KCNAB1: variants seen among roughly 807,000 people sequenced by gnomAD.
The protein encoded by KCNAB1 is potassium voltage-gated channel subfamily A regulatory beta subunit 1.
KCNAB1 carries 35 observed loss-of-function variants against 64.6 expected under a neutral mutation model. The ratio of observed to expected loss-of-function variants is 0.54; its 90% CI spans 0.41 to 0.72. The LOEUF is 0.72. Among genes scored for constraint, KCNAB1 ranks in the 30% least tolerant of loss-of-function variants. The pLI, the probability that KCNAB1 is intolerant of heterozygous loss-of-function variation, is 0.00. For synonymous variants in KCNAB1, 177 were observed against 183.8 expected, an observed-to-expected ratio of 0.96 and a Z score of 0.30; for missense variants, 401 against 512.9, an observed-to-expected ratio of 0.78 and a Z score of 2.11.
chr3:156,138,262 G>A (rs1006862363), intron 1 of KCNAB1, among the ~76,000 whole-genome samples: 1 of 152,184 alleles, frequency 6.6e-6, no homozygotes, highest in African/African-American at 2.4e-5. Flanking sequence ...CACCTGCAGA[G>A]CACTAGTGAG....
intron 1 of KCNAB1, among the ~76,000 whole-genome samples, chr3:156,217,766 T>A (rs1715415817): frequency 6.6e-6 from 1 of 152,260 alleles, no homozygotes; most frequent in East Asian, 1.9e-4. Context: ...GGAAACAAGC[T>A]GGTCATAATG....
intron 1 of KCNAB1, among the ~76,000 whole-genome samples, chr3:156,169,256 T>G (rs1711804313): frequency 6.6e-6 from 1 of 152,204 alleles, no homozygotes; most frequent in Admixed American, 6.5e-5. Context: ...CTCAATATCT[T>G]TATCTACGGG....
chr3:156,375,121 C>T lies in KCNAB1; in HGVS notation c.276-46495C>T, dbSNP rs974599889. ...ATAACAATGCCTTGCATTAGACTGTCGTGATTTATAAAACAATTTCACATG... is the reference window on the plus strand; with the variant it reads ...ATAACAATGCCTTGCATTAGACTGTTGTGATTTATAAAACAATTTCACATG... On this transcript the variant is annotated intron_variant, in intron 1 of 13. Transcript: ENST00000490337. Among the ~76,000 whole-genome samples, 5 of 135,834 alleles carry T rather than the reference C, an allele frequency of 3.7e-5. 1 individual carries two copies. The highest frequency in any genetic ancestry group is 1.6e-4 in the African/African-American group (5 of 30,372). 89.1% of individuals were successfully genotyped at this position (135,834 alleles called of 152,430 possible).
Position 156,452,855 on chromosome 3 carries a change from G to A in KCNAB1, c.320-44G>A. The A allele has an allele frequency of 1.4e-6, 2 of 1,451,646 alleles. No homozygotes were observed. The highest frequency in any genetic ancestry group is 1.9e-6 in the Non-Finnish European group (2 of 1,043,994). The allele number at this position is 1,451,646 out of a possible 1,614,324, so 89.9% of individuals were successfully genotyped here. A position where few individuals can be genotyped will look rare whatever the true frequency, so the allele number is the denominator to read the frequency against. On this transcript the variant is annotated intron_variant, in intron 2 of 13. Coordinates refer to ENST00000490337, the MANE Select transcript of KCNAB1 (RefSeq NM_172160.3). The surrounding 1 kb of genome is among the most constrained non-coding windows in gnomAD (Gnocchi z 4.6). The stretch of plus-strand genomic sequence containing the variant: ...ATTTCCCTTATTACGCACAATATTA[G>A]AAAAATGATGATGAATAATATGCAA...
intron 2 of KCNAB1, among the ~76,000 whole-genome samples, chr3:156,430,455 A>G (rs1279972888): frequency 1.3e-5 from 2 of 152,222 alleles, no homozygotes; most frequent in Non-Finnish European, 2.9e-5. Context: ...ACCATTAGTA[A>G]TGGGGGACAA....
Position 156,240,064 on chromosome 3 carries a change from G to A in KCNAB1, c.275+119178G>A, listed in dbSNP as rs142891036. ...ACAACTTAAGTGACTAATGGAAGACGTATTTCATTGTCCAAAAATATTTCC... is the reference window on the plus strand; with the variant it reads ...ACAACTTAAGTGACTAATGGAAGACATATTTCATTGTCCAAAAATATTTCC... On this transcript the variant is annotated intron_variant, in intron 1 of 13. Transcript: ENST00000490337. Among the ~76,000 whole-genome samples the A allele has an allele frequency of 3.5e-3, 530 of 152,228 alleles. 2 individuals carry two copies. Among genetic ancestry groups the A allele is most frequent in the African/African-American group, 0.012 (504 of 41,528 alleles).
chr3:156,192,921 G>GT (rs909861246), intron 1 of KCNAB1, among the ~76,000 whole-genome samples: 2 of 151,822 alleles, frequency 1.3e-5, no homozygotes, highest in East Asian at 1.9e-4. Flanking sequence ...TTGAGTCTTG[G>GT]TTTTTTATCC....
chr3:156,369,611 C>G (rs911833498), intron 1 of KCNAB1, among the ~76,000 whole-genome samples: 5 of 152,168 alleles, frequency 3.3e-5, no homozygotes, highest in Admixed American at 1.3e-4. Context: ...TAGCCTATCT[C>G]CCTCACCAAA....
intron 2 of KCNAB1, among the ~76,000 whole-genome samples, chr3:156,442,762 T>A (rs1488060813): frequency 6.6e-6 from 1 of 152,164 alleles, no homozygotes; most frequent in African/African-American, 2.4e-5. Context: ...CAGCCTGCCC[T>A]AGGATCCCTT....
At chr3:156,241,613 G>C (rs1717167861) in intron 1 of KCNAB1, among the ~76,000 whole-genome samples, 1 of 152,158 alleles carries the variant, frequency 6.6e-6, no homozygotes, top group Non-Finnish European at 1.5e-5. Flanking sequence ...TGTCTCTTGG[G>C]TAATGCTGCT....
At chr3:156,164,600 A>G (rs1345052888) in intron 1 of KCNAB1, among the ~76,000 whole-genome samples, 1 of 152,184 alleles carries the variant, frequency 6.6e-6, no homozygotes, top group African/African-American at 2.4e-5. Flanking sequence ...AGATCCGTGA[A>G]GGAATTATGA....
chr3:156,168,568 C>T (rs535297478), intron 1 of KCNAB1, among the ~76,000 whole-genome samples: 26 of 152,168 alleles, frequency 1.7e-4, no homozygotes, highest in African/African-American at 6.0e-4. Flanking sequence ...TCTGTGTATT[C>T]ATTCAACAAG....
rs559664306 is a variant in KCNAB1, at chr3:156,143,985, A to G, written c.275+23099A>G. ...AGATAAATTACTGGTTGTACACTAA[A>G]CTTCCAATATCATTATTTATTTTAT... is the stretch of plus-strand genomic sequence containing the variant. On this transcript the variant is annotated intron_variant, in intron 1 of 13. Coordinates refer to ENST00000490337, the MANE Select transcript of KCNAB1 (RefSeq NM_172160.3). Among the ~76,000 whole-genome samples the G allele has an allele frequency of 2.6e-3, 398 of 152,076 alleles. 1 individual carries two copies. Among genetic ancestry groups the G allele is most frequent in the African/African-American group, 9.0e-3 (375 of 41,484 alleles).
chr3:156,259,289 A>G (rs1718291498), intron 1 of KCNAB1, among the ~76,000 whole-genome samples: 1 of 152,152 alleles, frequency 6.6e-6, no homozygotes, highest in South Asian at 2.1e-4. Context: ...TCCTAATCTG[A>G]TAAAGTGAGA....
intron 1 of KCNAB1, among the ~76,000 whole-genome samples, chr3:156,417,467 A>G (rs1715154268): frequency 6.6e-6 from 1 of 152,192 alleles, no homozygotes; most frequent in Non-Finnish European, 1.5e-5. Context: ...CCCCATGCAT[A>G]TGCTTCTTGC....
chr3:156,362,922 A>C (rs547874552), intron 1 of KCNAB1, among the ~76,000 whole-genome samples: 1 of 152,374 alleles, frequency 6.6e-6, no homozygotes, highest in East Asian at 1.9e-4. Flanking sequence ...AGCCCAGCTC[A>C]GTTCTCGGAA....
intron 1 of KCNAB1, among the ~76,000 whole-genome samples, chr3:156,197,060 C>G (rs538643500): frequency 6.6e-6 from 1 of 152,244 alleles, no homozygotes; most frequent in South Asian, 2.1e-4. Flanking sequence ...TTGAGATAAT[C>G]ATGTGGTTTT....
intron 1 of KCNAB1, among the ~76,000 whole-genome samples, chr3:156,208,621 C>T (rs1714807831): frequency 1.3e-5 from 2 of 152,040 alleles, no homozygotes; most frequent in Non-Finnish European, 2.9e-5. Context: ...TTTATGTTAA[C>T]AAGGAGGGAA....
Position 156,223,400 on chromosome 3 carries a change from G to A in KCNAB1, c.275+102514G>A, listed in dbSNP as rs376402325. Among the ~76,000 whole-genome samples the A allele has an allele frequency of 1.4e-4, 22 of 152,288 alleles. 1 individual carries two copies. Among genetic ancestry groups the A allele is most frequent in the Admixed American group, 2.0e-4 (3 of 15,298 alleles). The stretch of plus-strand genomic sequence containing the variant: ...TGATTGGTCCATTTTACAGAGAGCC[G>A]ATTAGTCTGTTTTACAGAGAGCTGA... On this transcript the variant is annotated intron_variant, in intron 1 of 13. Coordinates refer to ENST00000490337, the MANE Select transcript of KCNAB1 (RefSeq NM_172160.3).
Sources: allele counts gnomAD v4.1 joint callset (sites outside exome capture counted in the v4.1 genomes callset), GRCh38; gene constraint gnomAD v4.1.1; non-coding constraint Gnocchi (gnomAD v3.1); transcripts MANE v1.5; gene names NCBI Gene and HGNC (gene_info 2026-07-23, HGNC 2026-07-21).